The following CLN3 variants were observed in gnomAD, a reference collection of about 807,000 sequenced individuals.
The protein encoded by CLN3 is CLN3 lysosomal/endosomal transmembrane protein, battenin.
Under a neutral mutation model 60.7 loss-of-function variants are expected in CLN3, and 49 were observed. The ratio of observed to expected loss-of-function variants is 0.81; its 90% CI spans 0.64 to 1.02. The LOEUF (loss-of-function observed/expected upper bound fraction) is 1.02. Ranked by LOEUF, CLN3 falls within the 50% of genes least tolerant of loss-of-function variation. The pLI is 0.00. For synonymous variants in CLN3, 256 were observed against 245.8 expected (o/e 1.04, Z -0.39); for missense variants, 516 against 557.4 (o/e 0.93, Z 0.75).
At chr16:28,472,596 T>G (rs1165909121), downstream of CLN3, among the ~76,000 whole-genome samples, 4 of 151,294 alleles carry the variant, frequency 2.6e-5, no homozygotes, top group South Asian at 8.4e-4. Flanking sequence ...ATCCCAGCAC[T>G]TTGGGAGGCC....
the CLN3 span, among the ~76,000 whole-genome samples, chr16:28,468,610 C>T: frequency 3.4e-4 from 47 of 137,362 alleles, no homozygotes; most frequent in African/African-American, 1.2e-3. Context: ...AGATTGAGAC[C>T]ATCCTAGCTA....
chr16:28,487,779 AG>A lies in CLN3; in HGVS notation c.295-39del. On this transcript the variant is annotated intron_variant, in intron 5 of 15. Transcript: ENST00000636147. ...AATAGAGTGAGACCGCAGAGCTTCC[AG>A]GGGACAACCCTCCCAACCACGTGGC... The A allele has an allele frequency of 1.9e-6, 3 of 1,555,376 alleles. No individual in the cohort carries two copies. The South Asian group carries it at 3.4e-5, about 18-fold the overall frequency.
intron 9 of CLN3, among the ~76,000 whole-genome samples, chr16:28,485,880 T>TA (rs1044000032): frequency 2.0e-5 from 3 of 152,112 alleles, no homozygotes; most frequent in Admixed American, 1.3e-4. Flanking sequence ...GCTACAAAGC[T>TA]AAAAAGTGGC....
intron 10 of CLN3, 138 bp downstream of exon 10, chr16:28,483,868 T>C (rs1237338734): frequency 1.2e-5 from 8 of 684,106 alleles, no homozygotes; most frequent in Non-Finnish European, 1.8e-5. Context: ...TCAACAAGTA[T>C]TTCTCAAATA....
chr16:28,470,333 G>A, downstream of CLN3: 6 of 1,514,588 alleles, frequency 4.0e-6, no homozygotes, highest in South Asian at 1.2e-5. Context: ...ACACAGCCCA[G>A]TAAAAAGGAA....
At chr16:28,482,711 C>T in intron 10 of CLN3, 39 bp from the exon 11 acceptor site, 1 of 1,611,626 alleles carries the variant, frequency 6.2e-7, no homozygotes, top group Non-Finnish European at 8.5e-7. Context: ...ATGAAGTTTT[C>T]ACACTGAAGA....
At chr16:28,479,770 A>G (rs901734587) in intron 14 of CLN3, 1 of 222,612 alleles carries the variant, frequency 4.5e-6, no homozygotes, top group Non-Finnish European at 9.5e-6. Flanking sequence ...CTCCATCTCA[A>G]AAAACAAAAC....
chr16:28,474,084 A>G (rs1399560563), downstream of CLN3: 1 of 152,260 alleles, frequency 6.6e-6, no homozygotes, highest in Non-Finnish European at 1.5e-5. Flanking sequence ...CCTGGCCAAC[A>G]TGGCGAAACC....
Position 28,490,728 on chromosome 16 carries a change from C to G in CLN3, c.125+754G>C, listed in dbSNP as rs1325867260. Among the ~76,000 whole-genome samples, 5 of 147,578 alleles carry G rather than the reference C, an allele frequency of 3.4e-5. No homozygotes were observed. The East Asian group carries it at 9.9e-4, about 29-fold the overall frequency. ...TGAGCCGAGATTGCGCCACTGCACT[C>G]CAGCCTGGAGGACAGAGAGAGACTC... On this transcript the variant is annotated intron_variant, in intron 3 of 15. Transcript: ENST00000636147.
In CLN3 at chr16:28,488,573, G is replaced by C; in HGVS notation, c.294+18C>G. 6.2e-7 allele frequency: 1 copy of C among 1,613,318 alleles called. No individual in the cohort carries two copies. The highest frequency in any genetic ancestry group is 8.5e-7 in the Non-Finnish European group (1 of 1,179,280). On this transcript the variant is annotated intron_variant, in intron 5 of 15. Coordinates refer to ENST00000636147, the MANE Select transcript of CLN3 (RefSeq NM_001042432.2). ...GGGGCCCTGGGTCAGGCAAGGACCA[G>C]GTGAGATGAGTACGCACAGCCGTAG...
chr16:28,486,206 C>T, intron 9 of CLN3, 141 bp downstream of exon 9: 1 of 1,040,548 alleles, frequency 9.6e-7, no homozygotes, highest in Non-Finnish European at 1.5e-6. Flanking sequence ...CCATGTTGGC[C>T]AGGCTGGTTT....
chr16:28,491,832 G>T lies in CLN3; in HGVS notation c.-73C>A. 1.3e-6 allele frequency: 2 copies of T among 1,574,682 alleles called. No individual in the cohort carries two copies. Among genetic ancestry groups the T allele is most frequent in the East Asian group, 2.3e-5 (1 of 43,782 alleles). On this transcript the variant is annotated 5_prime_UTR_variant, in exon 2 of 16. Coordinates refer to ENST00000636147, the MANE Select transcript of CLN3 (RefSeq NM_001042432.2). ...AAGGGGGCTCCCACGGGAGGGATGAGGGTCTGCGACAGGTGACAAGGATCA... is the reference window on the plus strand; with the variant it reads ...AAGGGGGCTCCCACGGGAGGGATGATGGTCTGCGACAGGTGACAAGGATCA...
At chr16:28,485,492 C>T (rs368679196) in intron 9 of CLN3, among the ~76,000 whole-genome samples, 3 of 135,562 alleles carry the variant, frequency 2.2e-5, no homozygotes, top group Non-Finnish European at 3.1e-5. Context: ...CACTAGAGCC[C>T]GGGAGGCCGA....
chr16:28,478,006 T>C lies in CLN3; in HGVS notation c.1057-129A>G, dbSNP rs923626476. ...AGAGGGCTGCCAGGTCTAGATAAAATCTCAACACCAGCCCGGTGTGGTGGC... is the reference window on the plus strand; with the variant it reads ...AGAGGGCTGCCAGGTCTAGATAAAACCTCAACACCAGCCCGGTGTGGTGGC... On this transcript the variant is annotated intron_variant, in intron 14 of 15. Transcript: ENST00000636147. 5.6e-6 allele frequency: 6 copies of C among 1,075,778 alleles called. No homozygotes were observed. The African/African-American group carries it at 9.4e-5, about 17-fold the overall frequency. The allele number at this position is 1,075,778 out of a possible 1,614,324, so 66.6% of individuals were successfully genotyped here. A position where few individuals can be genotyped will look rare whatever the true frequency, so the allele number is the denominator to read the frequency against.
intron 10 of CLN3, among the ~76,000 whole-genome samples, chr16:28,483,708 C>CTTTT: frequency 8.6e-6 from 1 of 116,222 alleles, no homozygotes; most frequent in Non-Finnish European, 1.8e-5. Context: ...TCCTTCCTTT[C>CTTTT]TTTTCTTTTT....
In CLN3 at chr16:28,487,755, A is replaced by G; in HGVS notation, c.295-14T>C. 1 of 1,607,386 alleles carries G rather than the reference A, an allele frequency of 6.2e-7. No individual in the cohort carries two copies. Among genetic ancestry groups the G allele is most frequent in the Non-Finnish European group, 8.5e-7 (1 of 1,175,446 alleles). On this transcript the variant is annotated splice_polypyrimidine_tract_variant and intron_variant, in intron 5 of 15. Transcript: ENST00000636147. ...CAGGAGCACAGCCTGGGACAGGAGA[A>G]TAGAGTGAGACCGCAGAGCTTCCAG...
chr16:28,478,067 G>A (rs1049910837), intron 14 of CLN3, among the ~76,000 whole-genome samples, 190 bp from the exon 15 acceptor site: 1 of 152,118 alleles, frequency 6.6e-6, no homozygotes, highest in Non-Finnish European at 1.5e-5. Context: ...GGAGGCTGAG[G>A]TGGGCAGATC....
downstream of CLN3, chr16:28,470,604 G>A (rs2045941552): frequency 4.4e-5 from 2 of 45,508 alleles, no homozygotes; most frequent in Admixed American, 3.1e-4. Context: ...GGGAGGGGAA[G>A]GGGAAGGGGA....
chr16:28,475,552 C>T (rs1776552328), downstream of CLN3: 1 of 152,216 alleles, frequency 6.6e-6, no homozygotes, highest in Admixed American at 6.5e-5. Flanking sequence ...CTTCTGCCCC[C>T]AAAGCCCATG....
Sources: gnomAD v4.1 joint callset for allele counts (sites outside exome capture counted in the v4.1 genomes callset) on GRCh38, gnomAD v4.1.1 for gene constraint, MANE v1.5 for transcripts, NCBI Gene and HGNC (gene_info 2026-07-23, HGNC 2026-07-21) for gene names.